The following TASP1 variants were observed in gnomAD, a reference collection of about 807,000 sequenced individuals.
The protein encoded by TASP1 is taspase 1.
In TASP1, 16 loss-of-function variants were observed where a neutral mutation model predicts 56.6. The observed-to-expected ratio is 0.28, with a 90% confidence interval of 0.19 to 0.43. The LOEUF is 0.43. Ranked by LOEUF, TASP1 falls within the 20% of genes least tolerant of loss-of-function variation. TASP1 has a pLI of 1.00. For synonymous variants in TASP1, 179 were observed against 184.2 expected (o/e 0.97, Z 0.23); for missense variants, 393 against 511.6 (o/e 0.77, Z 2.24).
chr20:13,342,114 C>T, the TASP1 span, among the ~76,000 whole-genome samples: 1 of 152,194 alleles, frequency 6.6e-6, no homozygotes, highest in East Asian at 1.9e-4. Flanking sequence ...GCTGTAAAGT[C>T]ATGTGCAAGC....
intron 10 of TASP1, among the ~76,000 whole-genome samples, chr20:13,522,749 G>A (rs1470050083): frequency 1.3e-5 from 2 of 152,106 alleles, no homozygotes; most frequent in South Asian, 4.1e-4. Flanking sequence ...CAGACTGGAT[G>A]AGACACAAAG....
intron 2 of TASP1, among the ~76,000 whole-genome samples, chr20:13,625,597 C>T (rs554135588): frequency 6.6e-6 from 1 of 152,324 alleles, no homozygotes; most frequent in Non-Finnish European, 1.5e-5. Flanking sequence ...GGACAGGGTC[C>T]CTCCGGGTTC....
intron 1 of TASP1, among the ~76,000 whole-genome samples, chr20:13,633,112 G>A (rs994620661): frequency 6.6e-6 from 1 of 152,116 alleles, no homozygotes; most frequent in Non-Finnish European, 1.5e-5. Context: ...CCCGAAAAAT[G>A]TCTTGATGGA....
intron 13 of TASP1, among the ~76,000 whole-genome samples, chr20:13,413,766 G>T (rs1237850986): frequency 6.6e-6 from 1 of 151,990 alleles, no homozygotes; most frequent in African/African-American, 2.4e-5. Flanking sequence ...ATCGTTCCGG[G>T]AAGATCTATA....
At chr20:13,221,043 C>T in the TASP1 span, among the ~76,000 whole-genome samples, 1 of 152,102 alleles carries the variant, frequency 6.6e-6, no homozygotes, top group Non-Finnish European at 1.5e-5. Context: ...TCGGTGTGCC[C>T]GGGGCCCCCA....
At chr20:13,508,807 G>C (rs994627892) in intron 10 of TASP1, among the ~76,000 whole-genome samples, 1 of 152,104 alleles carries the variant, frequency 6.6e-6, no homozygotes, top group Non-Finnish European at 1.5e-5. Context: ...ACACCTCTTA[G>C]GATGGCTACT....
the TASP1 span, among the ~76,000 whole-genome samples, chr20:13,369,136 G>C: frequency 6.6e-6 from 1 of 152,136 alleles, no homozygotes; most frequent in Non-Finnish European, 1.5e-5. Context: ...TGGAAAAATT[G>C]AGAGATGACC....
the TASP1 span, chr20:13,270,551 T>C: frequency 6.2e-7 from 1 of 1,613,928 alleles, no homozygotes; most frequent in Non-Finnish European, 8.5e-7. Context: ...CCAGCTTTTC[T>C]CTCTCCAAAG....
chr20:13,521,127 GA>G (rs1259389466), intron 10 of TASP1, among the ~76,000 whole-genome samples: 2 of 152,160 alleles, frequency 1.3e-5, no homozygotes, highest in Non-Finnish European at 2.9e-5. Flanking sequence ...GGAAACAACA[GA>G]TGCTGGAGAG....
the TASP1 span, among the ~76,000 whole-genome samples, chr20:13,319,306 C>T: frequency 6.6e-6 from 1 of 152,038 alleles, no homozygotes; most frequent in African/African-American, 2.4e-5. Context: ...GCTGCATGAA[C>T]TAGACACTTA....
At chr20:13,362,306 C>T in the TASP1 span, among the ~76,000 whole-genome samples, 2 of 151,758 alleles carry the variant, frequency 1.3e-5, no homozygotes, top group East Asian at 1.9e-4. Context: ...GCCCAGATGG[C>T]CTGAAGTAAC....
chr20:13,524,153 T>C (rs2044880394), intron 10 of TASP1, among the ~76,000 whole-genome samples: 1 of 151,724 alleles, frequency 6.6e-6, no homozygotes, highest in Non-Finnish European at 1.5e-5. Flanking sequence ...ACTTTGTCTT[T>C]TTTTTTTTTA....
chr20:13,404,760 A>G (rs1211744419), intron 13 of TASP1, among the ~76,000 whole-genome samples: 1 of 152,226 alleles, frequency 6.6e-6, no homozygotes, highest in African/African-American at 2.4e-5. Context: ...AAAGAAAAAT[A>G]TCTCAAATAA....
chr20:13,389,369 C>G (rs1360078296), downstream of TASP1: 1 of 152,042 alleles, frequency 6.6e-6, no homozygotes, highest in African/African-American at 2.4e-5. Flanking sequence ...ATTTTATAAA[C>G]AAAATAAATA....
At chr20:13,249,504 T>TGTTTTGGCCCA in the TASP1 span, among the ~76,000 whole-genome samples, 20 of 152,346 alleles carry the variant, frequency 1.3e-4, no homozygotes, top group African/African-American at 4.6e-4. Flanking sequence ...CAATCGAGGA[T>TGTTTTGGCCCA]GTTTTGGCCC....
intron 13 of TASP1, among the ~76,000 whole-genome samples, chr20:13,403,737 T>C (rs2041821174): frequency 6.6e-6 from 1 of 152,004 alleles, no homozygotes; most frequent in Admixed American, 6.6e-5. Flanking sequence ...AAATAAAAAT[T>C]AGCCAGGTGA....
intron 5 of TASP1, among the ~76,000 whole-genome samples, chr20:13,585,504 T>C (rs1372945655): frequency 6.6e-6 from 1 of 152,126 alleles, no homozygotes; most frequent in Non-Finnish European, 1.5e-5. Context: ...CAATAAAAGA[T>C]ATAATCAAAT....
the TASP1 span, among the ~76,000 whole-genome samples, chr20:13,294,578 G>A: frequency 2.0e-5 from 3 of 152,104 alleles, no homozygotes; most frequent in Non-Finnish European, 2.9e-5. Context: ...GAGTAGACAT[G>A]GTGTCTCAGT....
chr20:13,527,374 G>C (rs1466759101), intron 10 of TASP1, among the ~76,000 whole-genome samples: 2 of 152,120 alleles, frequency 1.3e-5, no homozygotes, highest in African/African-American at 4.8e-5. Context: ...AGCCATATTT[G>C]TCCACTCTCC....
Sources: allele counts gnomAD v4.1 joint callset (sites outside exome capture counted in the v4.1 genomes callset), GRCh38; gene constraint gnomAD v4.1.1; transcripts MANE v1.5; gene names NCBI Gene and HGNC (gene_info 2026-07-23, HGNC 2026-07-21).